The following BCL11B variants were observed in gnomAD, a reference collection of about 807,000 sequenced individuals.
The protein encoded by BCL11B is B-cell lymphoma/leukemia 11B.
A neutral mutation model predicts 49.9 loss-of-function variants in BCL11B; 8 were observed. The observed-to-expected ratio is 0.16, with a 90% CI of 0.09 to 0.29. The LOEUF is 0.29. Ranked by LOEUF, BCL11B falls within the 10% of genes least tolerant of loss-of-function variation. The pLI, the probability that BCL11B is intolerant of heterozygous loss-of-function variation, is 1.00. For synonymous variants in BCL11B, 739 were observed against 637.4 expected (o/e 1.16, Z -2.40); for missense variants, 1,006 against 1,351.0 (o/e 0.74, Z 4.00).
chr14:99,198,460 C>T (rs916989886), intron 3 of BCL11B, among the ~76,000 whole-genome samples: 8 of 152,142 alleles, frequency 5.3e-5, no homozygotes, highest in African/African-American at 1.4e-4. Context: ...GCCCTGACAT[C>T]ATTATTTTCA....
At chr14:99,230,523 G>A (rs565202849) in intron 3 of BCL11B, among the ~76,000 whole-genome samples, 1 of 152,286 alleles carries the variant, frequency 6.6e-6, no homozygotes, top group Admixed American at 6.5e-5. Flanking sequence ...ACAGACTTGT[G>A]AGAGGGCCCT....
At chr14:99,265,695 C>T (rs139328519) in intron 1 of BCL11B, among the ~76,000 whole-genome samples, 89 of 152,336 alleles carry the variant, frequency 5.8e-4, no homozygotes, top group African/African-American at 2.0e-3. Flanking sequence ...ATGCTTACAA[C>T]TGGCTCGATT....
chr14:99,260,181 AG>A (rs1457720524), intron 1 of BCL11B, among the ~76,000 whole-genome samples: 3 of 152,342 alleles, frequency 2.0e-5, no homozygotes, highest in Non-Finnish European at 4.4e-5. Flanking sequence ...AAAGCAAAAA[AG>A]GACATAATGA....
At chr14:99,177,065 T>A (rs909752587) in intron 3 of BCL11B, among the ~76,000 whole-genome samples, 2 of 152,078 alleles carry the variant, frequency 1.3e-5, no homozygotes, top group Admixed American at 1.3e-4. Context: ...AGAAAAAATT[T>A]AACATGCTGT....
At position 99,231,870 on chromosome 14, in the gene BCL11B, C is replaced by A. The variant is rs1031092766; in HGVS notation, c.428-313G>T. Among the ~76,000 whole-genome samples the A allele has an allele frequency of 6.6e-6, 1 of 151,852 alleles. No homozygotes were observed. Among genetic ancestry groups the A allele is most frequent in the African/African-American group, 2.4e-5 (1 of 41,394 alleles). ...TGAACGGGGGCTGTGAGGACCCACT[C>A]TCAGGAAGGACCCCCCACGTGGGGG... On this transcript the variant is annotated intron_variant, in intron 2 of 3. Coordinates refer to ENST00000357195, the MANE Select transcript of BCL11B (RefSeq NM_138576.4). The surrounding 1 kb of genome is among the most constrained non-coding windows in gnomAD (Gnocchi z 8.1).
rs1389851228 is a variant in BCL11B at position 99,242,884 on chromosome 14, A to C, written c.428-11327T>G. Among the ~76,000 whole-genome samples, 1 of 152,212 alleles carries C rather than the reference A, an allele frequency of 6.6e-6. No homozygotes were observed. Among genetic ancestry groups the C allele is most frequent in the African/African-American group, 2.4e-5 (1 of 41,448 alleles). On this transcript the variant is annotated intron_variant, in intron 2 of 3. Transcript: ENST00000357195. This position sits in a 1 kb window ranked among gnomAD's most constrained non-coding sequence, Gnocchi z 4.4. Reference sequence around the variant, plus strand: ...CCTAGTGAAGGTACCATTTCATAGCAGACAGCTGTGTGCTCCATGGGGATA... The same window carrying C: ...CCTAGTGAAGGTACCATTTCATAGCCGACAGCTGTGTGCTCCATGGGGATA...
chr14:99,177,363 G>A (rs972515800), intron 3 of BCL11B, among the ~76,000 whole-genome samples: 1 of 151,646 alleles, frequency 6.6e-6, no homozygotes, highest in Non-Finnish European at 1.5e-5. Flanking sequence ...AAACGTCATC[G>A]TCTGTGTCCA....
At chr14:99,227,932 G>A (rs1215527586) in intron 3 of BCL11B, among the ~76,000 whole-genome samples, 4 of 152,224 alleles carry the variant, frequency 2.6e-5, no homozygotes, top group Admixed American at 6.5e-5. Flanking sequence ...TCCCCACTGC[G>A]ACCATTGGAA....
chr14:99,187,520 C>T (rs1225059890), intron 3 of BCL11B, among the ~76,000 whole-genome samples: 2 of 152,056 alleles, frequency 1.3e-5, no homozygotes, highest in East Asian at 1.9e-4. Flanking sequence ...CGTTCCCCCA[C>T]GCCGCCCAAC....
chr14:99,271,224 C>G lies in BCL11B; in HGVS notation c.-6G>C. 1 of 1,523,744 alleles carries G rather than the reference C, an allele frequency of 6.6e-7. No homozygotes were observed. Among genetic ancestry groups the G allele is most frequent in the Admixed American group, 2.0e-5 (1 of 49,626 alleles). 94.4% of individuals were successfully genotyped at this position (1,523,744 alleles called of 1,614,324 possible). The stretch of plus-strand genomic sequence containing the variant: ...CCCTGTTTGCGGCGGGACATTGCCC[C>G]GGCATCTATTCTGGCATCGCCCGGA... On this transcript the variant is annotated 5_prime_UTR_variant, in exon 1 of 4. Transcript: ENST00000357195.
chr14:99,243,160 A>G (rs1309976666), intron 2 of BCL11B, among the ~76,000 whole-genome samples: 1 of 152,186 alleles, frequency 6.6e-6, no homozygotes, highest in African/African-American at 2.4e-5. Flanking sequence ...TTCAGTATCA[A>G]GATTCTGAAT....
chr14:99,193,805 A>C (rs1386152458), intron 3 of BCL11B, among the ~76,000 whole-genome samples: 1 of 152,194 alleles, frequency 6.6e-6, no homozygotes, highest in Non-Finnish European at 1.5e-5. Context: ...TTTTGTTTCA[A>C]ATCATTTCTG....
intron 1 of BCL11B, among the ~76,000 whole-genome samples, chr14:99,267,129 G>C (rs987951122): frequency 1.3e-5 from 2 of 151,976 alleles, no homozygotes; most frequent in African/African-American, 4.8e-5. Context: ...ACCCAGCCTC[G>C]ATGTCTCTAA....
intron 3 of BCL11B, among the ~76,000 whole-genome samples, chr14:99,187,493 G>T (rs1265028205): frequency 1.3e-5 from 2 of 152,120 alleles, no homozygotes; most frequent in Non-Finnish European, 2.9e-5. Context: ...CGATAGCTGA[G>T]CTCACTTTGA....
intron 3 of BCL11B, among the ~76,000 whole-genome samples, chr14:99,188,440 G>A (rs1295583222): frequency 6.6e-6 from 1 of 152,242 alleles, no homozygotes; most frequent in East Asian, 1.9e-4. Context: ...GGGTTTGCCC[G>A]GGTGGATAGG....
At chr14:99,217,299 TAC>T (rs1209941799) in intron 3 of BCL11B, among the ~76,000 whole-genome samples, 1 of 131,152 alleles carries the variant, frequency 7.6e-6, no homozygotes, top group African/African-American at 2.5e-5. Context: ...CACTCACAAA[TAC>T]ATACACTTAC....
rs911266478 is a variant in BCL11B at position 99,205,087 on chromosome 14, C to T, written c.640+26258G>A. On this transcript the variant is annotated intron_variant, in intron 3 of 3. Transcript: ENST00000357195. The surrounding 1 kb of genome is among the most constrained non-coding windows in gnomAD (Gnocchi z 5.0). ...AGGGGATGCCCCTCCAGTTACATTACTTTGAAAGGGAGCATAATATGATCC... is the reference window on the plus strand; with the variant it reads ...AGGGGATGCCCCTCCAGTTACATTATTTTGAAAGGGAGCATAATATGATCC... Among the ~76,000 whole-genome samples the T allele has an allele frequency of 6.6e-6, 1 of 152,068 alleles. No homozygotes were observed. The highest frequency in any genetic ancestry group is 2.1e-4 in the South Asian group (1 of 4,824).
At chr14:99,230,972 C>T (rs1489861095) in intron 3 of BCL11B, among the ~76,000 whole-genome samples, 1 of 147,580 alleles carries the variant, frequency 6.8e-6, no homozygotes, top group Non-Finnish European at 1.5e-5. Flanking sequence ...CTGGTCTTGG[C>T]GGGGCAGGGG....
At position 99,174,196 on chromosome 14, in the gene BCL11B, G is replaced by C. The variant is rs753198613; in HGVS notation, c.2640C>G (p.His880Gln). Residue 880 changes from histidine (H) to glutamine (Q), a missense_variant, in exon 4 of 4, where the codon CAC becomes CAG. Physicochemically the swap from His to Gln is conservative, Grantham distance 24. Transcript: ENST00000357195. Reference sequence around the variant, plus strand: ...CGATTTTGACGTCGTTAGTCAGCAAGTGCTCGCCGTGCCACTTTTTCATGT... The same window carrying C: ...CGATTTTGACGTCGTTAGTCAGCAACTGCTCGCCGTGCCACTTTTTCATGT... The part of the protein sequence containing the change: ...EKHMKKWHGE[H>Q]LLTNDVKIEQ... 12 of 1,613,626 alleles carry C rather than the reference G, an allele frequency of 7.4e-6. No homozygotes were observed. In the Admixed American group the frequency reaches 1.3e-4, roughly 18 times the overall value.
Sources: allele counts gnomAD v4.1 joint callset (sites outside exome capture counted in the v4.1 genomes callset), GRCh38; gene constraint gnomAD v4.1.1; non-coding constraint Gnocchi (gnomAD v3.1); transcripts MANE v1.5; gene names NCBI Gene and HGNC (gene_info 2026-07-23, HGNC 2026-07-21).